Variants in CDH18 observed in about 807,000 individuals in gnomAD.
CDH18 encodes cadherin 18.
In CDH18, 31 loss-of-function variants were observed where a neutral mutation model predicts 67.9. The observed-to-expected ratio is 0.46, with a 90% CI of 0.34 to 0.62. CDH18 has a LOEUF of 0.62. Ranked by LOEUF, CDH18 falls within the 20% of genes least tolerant of loss-of-function variation. CDH18 has a pLI of 0.01. For synonymous variants in CDH18, 362 were observed against 347.2 expected (o/e 1.04, Z -0.48); for missense variants, 890 against 975.5 (o/e 0.91, Z 1.17).
chr5:19,727,486 G>A (rs1357985361), intron 4 of CDH18, among the ~76,000 whole-genome samples: 1 of 152,130 alleles, frequency 6.6e-6, no homozygotes. Flanking sequence ...CTGTGAAACA[G>A]GTCACTTCTC....
intron 1 of CDH18, among the ~76,000 whole-genome samples, chr5:20,542,772 T>C (rs761451628): frequency 6.6e-6 from 1 of 152,174 alleles, no homozygotes; most frequent in South Asian, 2.1e-4. Flanking sequence ...CATATTTACA[T>C]GGCTGTGGTT....
intron 2 of CDH18, among the ~76,000 whole-genome samples, chr5:20,118,470 G>GATT (rs1748097823): frequency 6.6e-6 from 1 of 152,040 alleles, no homozygotes; most frequent in Non-Finnish European, 1.5e-5. Context: ...ACGCTTACCT[G>GATT]TTATAATATT....
intron 1 of CDH18, among the ~76,000 whole-genome samples, chr5:20,377,857 AG>A (rs1359565124): frequency 2.0e-5 from 3 of 152,206 alleles, no homozygotes; most frequent in Non-Finnish European, 2.9e-5. Context: ...TATGACTCAG[AG>A]GAGTTGACTA....
rs1744718589 is a variant in CDH18 at position 19,509,151 on chromosome 5, G to C, written c.1513-6042C>G. Among the ~76,000 whole-genome samples the C allele has an allele frequency of 5.3e-5, 8 of 152,166 alleles. No homozygotes were observed. In the South Asian group the frequency reaches 1.7e-3, roughly 32 times the overall value. On this transcript the variant is annotated intron_variant, in intron 10 of 12. Coordinates refer to ENST00000382275, the MANE Select transcript of CDH18 (RefSeq NM_004934.5). Reference sequence around the variant, plus strand: ...CCCAAAATACTGGGATTACAGGTGTGAATCACTGCGCCTGGCCAAGAATGT... The same window carrying C: ...CCCAAAATACTGGGATTACAGGTGTCAATCACTGCGCCTGGCCAAGAATGT...
At chr5:19,767,356 T>C (rs1773224030) in intron 3 of CDH18, among the ~76,000 whole-genome samples, 1 of 151,916 alleles carries the variant, frequency 6.6e-6, no homozygotes, top group Non-Finnish European at 1.5e-5. Context: ...AGCAGAGTAG[T>C]TGCGAATAAG....
intron 12 of CDH18, among the ~76,000 whole-genome samples, chr5:19,477,779 T>C (rs768806050): frequency 1.3e-5 from 2 of 151,974 alleles, no homozygotes; most frequent in Non-Finnish European, 2.9e-5. Flanking sequence ...TCTGGTAAAA[T>C]ACAATATGAG....
At chr5:19,689,426 C>A (rs991273144) in intron 5 of CDH18, among the ~76,000 whole-genome samples, 1 of 151,846 alleles carries the variant, frequency 6.6e-6, no homozygotes, top group Non-Finnish European at 1.5e-5. Flanking sequence ...TTACTATACA[C>A]AGCAAAGTTT....
chr5:20,504,760 ATTTT>A (rs70954666), intron 1 of CDH18, among the ~76,000 whole-genome samples: 31 of 67,982 alleles, frequency 4.6e-4, no homozygotes, highest in South Asian at 3.1e-3. Flanking sequence ...ACAAAAGGGA[ATTTT>A]TTTTTTTTTT....
chr5:19,986,179 T>C (rs1361921999), intron 1 of CDH18, among the ~76,000 whole-genome samples: 1 of 152,238 alleles, frequency 6.6e-6, no homozygotes, highest in Non-Finnish European at 1.5e-5. Flanking sequence ...ACAAGTCCAC[T>C]ATATCTATTT....
intron 1 of CDH18, among the ~76,000 whole-genome samples, chr5:20,486,772 T>C (rs1317928107): frequency 1.3e-5 from 2 of 151,590 alleles, no homozygotes; most frequent in African/African-American, 4.8e-5. Flanking sequence ...AAGAGATGAA[T>C]GGTACTGTAT....
intron 2 of CDH18, among the ~76,000 whole-genome samples, chr5:20,162,501 CATAT>C (rs35649445): frequency 0.58 from 83,508 of 143,494 alleles, 24,150 homozygotes; most frequent in Middle Eastern, 0.68. Flanking sequence ...ATATAATAGA[CATAT>C]ATATATATAT....
intron 1 of CDH18, among the ~76,000 whole-genome samples, chr5:20,360,466 T>C (rs1167782983): frequency 6.6e-6 from 1 of 152,168 alleles, no homozygotes; most frequent in East Asian, 1.9e-4. Flanking sequence ...GCCCATCTGT[T>C]AGGTTGGCAT....
At position 20,447,524 on chromosome 5, in the gene CDH18, G is replaced by A. The variant is rs77926925; in HGVS notation, c.-580+127938C>T. On this transcript the variant is annotated intron_variant, in intron 1 of 14. Transcript: ENST00000507958. Reference sequence around the variant, plus strand: ...AGCAGAGACCAATTCTCACTAGCCAGTACTTTGATTTTATACTTCCCAGCT... The same window carrying A: ...AGCAGAGACCAATTCTCACTAGCCAATACTTTGATTTTATACTTCCCAGCT... Among the ~76,000 whole-genome samples the A allele has an allele frequency of 4.2e-4, 64 of 152,278 alleles. No homozygotes were observed. In the East Asian group the frequency reaches 0.011, roughly 27 times the overall value.
exon 1 of CDH18, chr5:20,575,658 T>C (rs1759074488): frequency 6.6e-6 from 1 of 152,136 alleles, no homozygotes; most frequent in Non-Finnish European, 1.5e-5. Flanking sequence ...CAGTAAGTTG[T>C]TCACTGAGGG....
intron 11 of CDH18, among the ~76,000 whole-genome samples, chr5:19,489,203 C>G (rs1561178665): frequency 6.6e-6 from 1 of 151,514 alleles, no homozygotes; most frequent in Non-Finnish European, 1.5e-5. Context: ...TTTATAATCT[C>G]CGAGGAGATT....
At chr5:20,404,578 C>G (rs1746061341) in intron 1 of CDH18, among the ~76,000 whole-genome samples, 1 of 152,044 alleles carries the variant, frequency 6.6e-6, no homozygotes, top group South Asian at 2.1e-4. Flanking sequence ...GTTCTTAGAG[C>G]ACCCATAACA....
intron 2 of CDH18, among the ~76,000 whole-genome samples, chr5:20,088,993 A>G (rs752508799): frequency 6.6e-6 from 1 of 152,088 alleles, no homozygotes; most frequent in Non-Finnish European, 1.5e-5. Flanking sequence ...ATATAACAGT[A>G]TTTCCAAAAA....
At chr5:20,070,381 T>C (rs1275136682) in intron 2 of CDH18, among the ~76,000 whole-genome samples, 2 of 152,180 alleles carry the variant, frequency 1.3e-5, no homozygotes, top group Non-Finnish European at 2.9e-5. Flanking sequence ...GATTATTGTC[T>C]GCTTTTGGTT....
chr5:19,526,300 C>T (rs950416964), intron 9 of CDH18, among the ~76,000 whole-genome samples: 1 of 152,194 alleles, frequency 6.6e-6, no homozygotes, highest in Non-Finnish European at 1.5e-5. Flanking sequence ...ATATAAAAAT[C>T]ATCTGTGCTT....
Sources: gnomAD v4.1 joint callset for allele counts (sites outside exome capture counted in the v4.1 genomes callset) on GRCh38, gnomAD v4.1.1 for gene constraint, MANE v1.5 for transcripts, NCBI Gene and HGNC (gene_info 2026-07-23, HGNC 2026-07-21) for gene names.